The following FBXO16 variants were observed in gnomAD, a reference collection of about 807,000 sequenced individuals.
FBXO16 encodes F-box protein 16.
Under a neutral mutation model 41.0 loss-of-function variants are expected in FBXO16, and 31 were observed. That is an observed-to-expected ratio of 0.76 (90% CI 0.57 to 1.02). The LOEUF is 1.02. Among genes scored for constraint, FBXO16 ranks in the 50% least tolerant of loss-of-function variants. The probability of loss-of-function intolerance (pLI) is 0.00; values close to 1 mark genes in which losing one functional copy is unlikely to be tolerated. For missense variants in FBXO16, 361 were observed against 346.2 expected, an observed-to-expected ratio of 1.04 and a Z score of -0.34; for synonymous variants, 133 against 117.8, an observed-to-expected ratio of 1.13 and a Z score of -0.84.
intron 2 of FBXO16, among the ~76,000 whole-genome samples, chr8:28,480,855 A>G (rs1803499375): frequency 1.3e-5 from 2 of 152,220 alleles, no homozygotes; most frequent in Admixed American, 1.3e-4. Context: ...CTGGAGGTAC[A>G]GAGAGAAAAG....
intron 5 of FBXO16, among the ~76,000 whole-genome samples, chr8:28,453,409 A>G (rs1207312449): frequency 6.6e-6 from 1 of 151,920 alleles, no homozygotes; most frequent in African/African-American, 2.4e-5. Context: ...TGAGTTGCAG[A>G]GAGGTAGACT....
intron 3 of FBXO16, among the ~76,000 whole-genome samples, chr8:28,473,113 T>A (rs1418556353): frequency 6.6e-6 from 1 of 152,218 alleles, no homozygotes; most frequent in Non-Finnish European, 1.5e-5. Flanking sequence ...CCCAAAGTTC[T>A]GTCTCCCTGG....
rs1803048429 is a variant in FBXO16, at chr8:28,456,895, G to A, written c.378C>T (p.Asp126=). The A allele has an allele frequency of 6.2e-7, 1 of 1,613,946 alleles. No homozygotes were observed. Among genetic ancestry groups the A allele is most frequent in the African/African-American group, 1.3e-5 (1 of 75,030 alleles). The stretch of plus-strand genomic sequence containing the variant: ...GTAAACATTTCAGCATCCAGAGCTG[G>A]TCCAGCTCAGCAAGGTTCTTCCAAT... ...CWHWKNLAEL[D]QLWMLKCLRF... is the part of the protein sequence containing the mutation. Residue 126 remains aspartate, a synonymous_variant, in exon 5 of 9, where the codon GAC becomes GAT. Transcript: ENST00000380254.
chr8:28,466,651 C>T (rs1803247343), intron 3 of FBXO16, among the ~76,000 whole-genome samples: 1 of 150,624 alleles, frequency 6.6e-6, no homozygotes, highest in African/African-American at 2.4e-5. Context: ...AAAAATTAGC[C>T]GGGCATGGTG....
chr8:28,428,499 T>A lies in FBXO16; in HGVS notation c.*228A>T. 2 of 1,458,462 alleles carry A rather than the reference T, an allele frequency of 1.4e-6. No homozygotes were observed. The highest frequency in any genetic ancestry group is 2.5e-5 in the Admixed American group (1 of 40,568). 90.3% of individuals were successfully genotyped at this position (1,458,462 alleles called of 1,614,324 possible). ...GAAAGAGTTTCTAATGGGAGCCAAG[T>A]AAATTCAGCTCTCCACTGTGCAAAG... On this transcript the variant is annotated 3_prime_UTR_variant, in exon 9 of 9. Coordinates refer to ENST00000380254, the MANE Select transcript of FBXO16 (RefSeq NM_172366.4).
intron 2 of FBXO16, among the ~76,000 whole-genome samples, chr8:28,479,900 C>CT (rs1361555014): frequency 6.1e-4 from 87 of 142,656 alleles, no homozygotes; most frequent in Non-Finnish European, 6.3e-4. Context: ...TTTTATTTTA[C>CT]TTTTTTTTTT....
At position 28,430,204 on chromosome 8, in the gene FBXO16, C is replaced by G. The variant is rs1161131184; in HGVS notation, c.844-801G>C. On this transcript the variant is annotated intron_variant, in intron 7 of 8. Transcript: ENST00000380254. ...CCTCCCACCTCAGCCTCCCGAGTAGCTGGGACTACAGGTATGCACAACCAT... is the reference window on the plus strand; with the variant it reads ...CCTCCCACCTCAGCCTCCCGAGTAGGTGGGACTACAGGTATGCACAACCAT... Among the ~76,000 whole-genome samples the G allele has an allele frequency of 2.0e-5, 3 of 152,194 alleles. No individual in the cohort carries two copies. In the East Asian group the frequency reaches 5.8e-4, roughly 29 times the overall value.
intron 4 of FBXO16, 90 bp downstream of exon 4, chr8:28,463,522 G>T: frequency 9.6e-6 from 12 of 1,250,734 alleles, no homozygotes; most frequent in Non-Finnish European, 1.4e-5. Flanking sequence ...GTGTGTGTAT[G>T]CCTGTGTTTC....
At chr8:28,470,767 A>G in intron 3 of FBXO16, among the ~76,000 whole-genome samples, 1 of 152,140 alleles carries the variant, frequency 6.6e-6, no homozygotes, top group East Asian at 1.9e-4. Context: ...ATATTAGCCC[A>G]TTATTCTGTA....
intron 1 of FBXO16, among the ~76,000 whole-genome samples, chr8:28,488,277 AT>A (rs1163707512): frequency 1.3e-5 from 2 of 148,600 alleles, no homozygotes; most frequent in Admixed American, 6.7e-5. Context: ...CATACTTCCA[AT>A]TTGATCTTCT....
rs760054578 is a variant in FBXO16, at chr8:28,428,751, G to A, written c.870-15C>T. The A allele has an allele frequency of 2.7e-6, 4 of 1,509,342 alleles. No homozygotes were observed. Among genetic ancestry groups the A allele is most frequent in the South Asian group, 2.7e-5 (2 of 74,826 alleles). The allele number at this position is 1,509,342 out of a possible 1,614,324, so 93.5% of individuals were successfully genotyped here. ...CTTAGGGACATCTAGAAAGGAAAAA[G>A]GAATCATGAAAGCGAGGGTTATTGA... On this transcript the variant is annotated splice_polypyrimidine_tract_variant and intron_variant, in intron 8 of 8. Coordinates refer to ENST00000380254, the MANE Select transcript of FBXO16 (RefSeq NM_172366.4).
At chr8:28,459,510 C>T (rs1193855304) in intron 4 of FBXO16, among the ~76,000 whole-genome samples, 3 of 151,382 alleles carry the variant, frequency 2.0e-5, no homozygotes, top group African/African-American at 4.8e-5. Context: ...CCCAGCTACT[C>T]GGGAGGCTGA....
intron 2 of FBXO16, among the ~76,000 whole-genome samples, chr8:28,478,821 C>CAAAAAAAAA (rs35959759): frequency 1.4e-3 from 163 of 117,750 alleles, no homozygotes; most frequent in African/African-American, 5.1e-3. Context: ...ATTCTGTCTC[C>CAAAAAAAAA]AAAAAAAAAA....
At chr8:28,488,301 T>G (rs1350233380) in intron 1 of FBXO16, among the ~76,000 whole-genome samples, 4 of 138,926 alleles carry the variant, frequency 2.9e-5, no homozygotes, top group Admixed American at 1.4e-4. Flanking sequence ...GCCTTTTTTT[T>G]TTTTTTTTTT....
At chr8:28,434,975 T>C (rs1802666179) in intron 7 of FBXO16, among the ~76,000 whole-genome samples, 1 of 152,220 alleles carries the variant, frequency 6.6e-6, no homozygotes, top group Non-Finnish European at 1.5e-5. Context: ...CCGTTGTCCA[T>C]AGCCCAATGG....
chr8:28,449,067 A>G (rs1365779109), intron 6 of FBXO16: 3 of 152,200 alleles, frequency 2.0e-5, no homozygotes, highest in African/African-American at 7.2e-5. Context: ...CCTGTTCAGT[A>G]TATACGTAAG....
At chr8:28,435,939 T>C (rs1169532421) in intron 7 of FBXO16, among the ~76,000 whole-genome samples, 1 of 152,188 alleles carries the variant, frequency 6.6e-6, no homozygotes, top group Non-Finnish European at 1.5e-5. Context: ...TAATATTGTA[T>C]ATAAATATGG....
At chr8:28,434,267 T>G (rs1802654450) in intron 7 of FBXO16, among the ~76,000 whole-genome samples, 1 of 152,208 alleles carries the variant, frequency 6.6e-6, no homozygotes. Context: ...GGCCCCTGAT[T>G]GATTTTTTTG....
At chr8:28,486,361 A>G (rs1803602163) in intron 1 of FBXO16, among the ~76,000 whole-genome samples, 1 of 151,304 alleles carries the variant, frequency 6.6e-6, no homozygotes, top group African/African-American at 2.4e-5. Context: ...AGTAGCTGAG[A>G]TTACAGGTAT....
Sources: allele counts gnomAD v4.1 joint callset (sites outside exome capture counted in the v4.1 genomes callset), GRCh38; gene constraint gnomAD v4.1.1; transcripts MANE v1.5; gene names NCBI Gene and HGNC (gene_info 2026-07-23, HGNC 2026-07-21).